Variants in DMBT1 observed in about 807,000 individuals in gnomAD.
DMBT1 encodes scavenger receptor cysteine-rich domain-containing protein DMBT1.
Under a neutral mutation model 252.9 loss-of-function variants are expected in DMBT1, and 198 were observed. That is an observed-to-expected ratio of 0.78 (90% CI 0.70 to 0.88). DMBT1 has a LOEUF of 0.88. DMBT1 is among the 40% of genes least tolerant of loss of function. DMBT1 has a pLI of 0.00. For synonymous variants in DMBT1, 990 were observed against 942.7 expected, an observed-to-expected ratio of 1.05 and a Z score of -0.92; for missense variants, 2,432 against 2,404.7, an observed-to-expected ratio of 1.01 and a Z score of -0.24.
intron 4 of DMBT1, among the ~76,000 whole-genome samples, chr10:122,571,356 C>T (rs1036515832): frequency 2.0e-5 from 3 of 152,178 alleles, no homozygotes; most frequent in Non-Finnish European, 4.4e-5. Context: ...AGCATCACGA[C>T]AACCCCTGTC....
At position 122,561,582 on chromosome 10, in the gene DMBT1, C is replaced by CTA. The variant is rs72345025; in HGVS notation, c.61+752_61+753insAT. ...CCTGTCTCTCTGCCTCTCTCTCTCT[C>CTA]TCTTTCTCTCTTATCTATTGTGTAG... On this transcript the variant is annotated intron_variant, in intron 1 of 55. Coordinates refer to ENST00000338354, the MANE Select transcript of DMBT1 (RefSeq NM_001377530.1). Among the ~76,000 whole-genome samples the CTA allele has an allele frequency of 5.6e-4, 83 of 147,584 alleles. 1 individual carries two copies. In the East Asian group the frequency reaches 0.016, roughly 28 times the overall value.
At chr10:122,589,620 C>A (rs905120594) in intron 17 of DMBT1, among the ~76,000 whole-genome samples, 1 of 148,420 alleles carries the variant, frequency 6.7e-6, no homozygotes, top group African/African-American at 2.4e-5. Flanking sequence ...TGGGTCTTGG[C>A]TTTGCAGGCT....
intron 26 of DMBT1, 87 bp downstream of exon 26, chr10:122,599,184 A>G: frequency 6.3e-7 from 1 of 1,598,166 alleles, no homozygotes; most frequent in Non-Finnish European, 8.5e-7. Flanking sequence ...CTCCTCACTC[A>G]AAGCTTCTTC....
chr10:122,563,586 CA>C (rs5788567), intron 1 of DMBT1, among the ~76,000 whole-genome samples: 134 of 147,326 alleles, frequency 9.1e-4, no homozygotes, highest in African/African-American at 3.1e-3. Context: ...GACTCTGTCT[CA>C]AAAAAAAAAA....
chr10:122,641,181 G>A (rs770369363), intron 55 of DMBT1, among the ~76,000 whole-genome samples: 1 of 152,140 alleles, frequency 6.6e-6, no homozygotes, highest in Non-Finnish European at 1.5e-5. Flanking sequence ...GCCAGAGGGT[G>A]TGCAGGCTGG....
At chr10:122,567,281 C>A (rs1314672120) in intron 2 of DMBT1, among the ~76,000 whole-genome samples, 1 of 152,206 alleles carries the variant, frequency 6.6e-6, no homozygotes, top group Non-Finnish European at 1.5e-5. Context: ...TGCCCTGCTG[C>A]ACCTCTAGGT....
rs556537184 is a variant in DMBT1, at chr10:122,636,003, C to G, written c.6561C>G (p.Gly2187=). The G allele has an allele frequency of 6.2e-7, 1 of 1,613,832 alleles. No individual in the cohort carries two copies. The highest frequency in any genetic ancestry group is 8.5e-7 in the Non-Finnish European group (1 of 1,179,896). Residue 2187 remains glycine (G), a synonymous_variant, in exon 53 of 56, where the codon GGC becomes GGG. Coordinates refer to ENST00000338354, the MANE Select transcript of DMBT1 (RefSeq NM_001377530.1). Reference sequence around the variant, plus strand: ...CCTCTCTCTGCAGGCTTGAAGGTGGCTGCAACTATGATTATATTGAAGTTT... The same window carrying G: ...CCTCTCTCTGCAGGCTTGAAGGTGGGTGCAACTATGATTATATTGAAGTTT... ...VIFRDVQLEG[G]CNYDYIEVFD... is the part of the protein sequence containing the mutation.
intron 15 of DMBT1, among the ~76,000 whole-genome samples, chr10:122,585,545 C>T (rs1464521125): frequency 1.3e-5 from 2 of 148,200 alleles, no homozygotes; most frequent in African/African-American, 4.9e-5. Flanking sequence ...AGGAAACATC[C>T]TCATCCAGGT....
intron 40 of DMBT1, 75 bp from the exon 41 acceptor site, chr10:122,617,942 C>A: frequency 6.3e-7 from 1 of 1,593,496 alleles, no homozygotes; most frequent in Non-Finnish European, 8.5e-7. Context: ...TAGGAAGTAC[C>A]CTGAGTGTGG....
intron 51 of DMBT1, 69 bp from the exon 52 acceptor site, chr10:122,633,122 A>C: frequency 2.6e-6 from 4 of 1,551,514 alleles, no homozygotes; most frequent in Non-Finnish European, 2.6e-6. Flanking sequence ...TTAAATTTAA[A>C]GTAGTCCGCA....
At position 122,573,682 on chromosome 10, in the gene DMBT1, G is replaced by A. The variant is rs144485254; in HGVS notation, c.236-33G>A. 11,388 of 1,613,408 alleles carry A rather than the reference G, an allele frequency of 7.1e-3. 61 individuals are homozygous for A. Among genetic ancestry groups the A allele is most frequent in the Middle Eastern group, 9.4e-3 (57 of 6,058 alleles). On this transcript the variant is annotated intron_variant, in intron 5 of 55. Transcript: ENST00000338354. ...CCAACCCTCCCCAAGCGAGGGCTAC[G>A]ATCAATGAGCTCTTCCTTTCTCCAC...
intron 10 of DMBT1, among the ~76,000 whole-genome samples, chr10:122,580,521 T>C (rs546674292): frequency 2.0e-5 from 3 of 152,286 alleles, no homozygotes; most frequent in African/African-American, 4.8e-5. Context: ...TGCCTGTGAT[T>C]GGGGCTTGAA....
chr10:122,596,922 C>A lies in DMBT1; in HGVS notation c.2888-103C>A, dbSNP rs546843990. On this transcript the variant is annotated intron_variant, in intron 23 of 55. Transcript: ENST00000338354. The stretch of plus-strand genomic sequence containing the variant: ...AATGCCCTCCCTCTGTGATGGGGAC[C>A]TAGGGTGGACTGAAGGCATGATCTG... 1,282 of 312,188 alleles carry A rather than the reference C, an allele frequency of 4.1e-3. 64 individuals carry two copies. The African/African-American group carries it at 0.1, about 25-fold the overall frequency. 19.3% of individuals were successfully genotyped at this position (312,188 alleles called of 1,614,324 possible). A position where few individuals can be genotyped will look rare whatever the true frequency, so the allele number is the denominator to read the frequency against.
intron 17 of DMBT1, among the ~76,000 whole-genome samples, chr10:122,590,007 G>A (rs2097834682): frequency 6.7e-6 from 1 of 148,586 alleles, no homozygotes; most frequent in African/African-American, 2.4e-5. Flanking sequence ...AGGTTTAGGT[G>A]AGGGTGAGGT....
At chr10:122,569,687 T>G (rs2097643063) in intron 2 of DMBT1, among the ~76,000 whole-genome samples, 1 of 152,230 alleles carries the variant, frequency 6.6e-6, no homozygotes, top group South Asian at 2.1e-4. Context: ...CAAGGGGACA[T>G]GGTCCTCCAT....
Position 122,579,617 on chromosome 10 carries a change from G to A in DMBT1, c.719G>A (p.Gly240Asp), listed in dbSNP as rs762889226. Residue 240 changes from glycine to aspartate, a missense_variant, in exon 10 of 56, where the codon GGC becomes GAC. Around this residue, in one of 3 missense-constraint regions of DMBT1, gnomAD observed 1,264 missense variants for 1,082.2 expected, o/e 1.17. Transcript: ENST00000338354. ...SSLALRLVNGGDRCRGRVEVL... is the reference protein window; with the variant it reads ...SSLALRLVNGDDRCRGRVEVL... ...TTGGCCCTGAGGCTGGTGAATGGAG[G>A]CGACAGGTGTCGAGGCCGAGTGGAG... is the stretch of plus-strand genomic sequence containing the variant. 2 of 1,613,428 alleles carry A rather than the reference G, an allele frequency of 1.2e-6. No homozygotes were observed. Among genetic ancestry groups the A allele is most frequent in the Admixed American group, 1.7e-5 (1 of 60,002 alleles).
At position 122,585,871 on chromosome 10, in the gene DMBT1, C is replaced by A. The variant is rs771532411; in HGVS notation, c.1460-189C>A. 4.0e-5 allele frequency among the ~76,000 whole-genome samples: 6 copies of A among 148,714 alleles called. 1 individual carries two copies. The highest frequency in any genetic ancestry group is 1.2e-4 in the African/African-American group (5 of 41,130). On this transcript the variant is annotated intron_variant, in intron 15 of 55. Coordinates refer to ENST00000338354, the MANE Select transcript of DMBT1 (RefSeq NM_001377530.1). ...TCACAGGTGCTTCCCCAAACTTGAG[C>A]CTTCATAAACCCAGGCAGAACTGCT...
chr10:122,640,187 A>G lies in DMBT1; in HGVS notation c.7090A>G (p.Thr2364Ala), dbSNP rs1464379986. 6.2e-7 allele frequency: 1 copy of G among 1,614,060 alleles called. No individual in the cohort carries two copies. The highest frequency in any genetic ancestry group is 1.1e-5 in the South Asian group (1 of 91,084). The change falls in exon 55 of 56, where the codon ACC (threonine) becomes GCC (alanine). Residue 2364 changes from threonine to alanine, a missense_variant. Thr to Ala is a moderately conservative substitution (Grantham distance 58). This residue lies in a region of DMBT1 where 1,162 missense variants were observed against 1,169.0 expected (regional missense o/e 0.99). Transcript: ENST00000338354. ...CGACACCATGTACATTGCTAATGACACCATCCACGTTGCTAATAACACCAT... is the reference window on the plus strand; with the variant it reads ...CGACACCATGTACATTGCTAATGACGCCATCCACGTTGCTAATAACACCAT... The part of the protein sequence containing the change: ...WVDTMYIAND[T>A]IHVANNTIQV...
rs755596389 is a variant in DMBT1 at position 122,591,533 on chromosome 10, A to G, written c.2176+16A>G. ...TCGACAGTAGGTAAATAATCCTCTCACCCCTCCCTAGGGCTCACTCTCTAC... is the reference window on the plus strand; with the variant it reads ...TCGACAGTAGGTAAATAATCCTCTCGCCCCTCCCTAGGGCTCACTCTCTAC... On this transcript the variant is annotated intron_variant, in intron 19 of 55. Transcript: ENST00000338354. 11 of 1,579,482 alleles carry G rather than the reference A, an allele frequency of 7.0e-6. 2 individuals carry two copies. In the East Asian group the frequency reaches 2.6e-4, roughly 37 times the overall value.
Sources: allele counts gnomAD v4.1 joint callset (sites outside exome capture counted in the v4.1 genomes callset), GRCh38; gene constraint gnomAD v4.1.1; regional missense constraint gnomAD v4.1.1; transcripts MANE v1.5; gene names NCBI Gene and HGNC (gene_info 2026-07-23, HGNC 2026-07-21).